The following DHX35 variants were observed in gnomAD, a reference collection of about 807,000 sequenced individuals.
The protein encoded by DHX35 is DEAH-box helicase 35.
DHX35 carries 84 observed loss-of-function variants against 99.6 expected under a neutral mutation model. The observed-to-expected ratio is 0.84, with a 90% CI of 0.71 to 1.01. The LOEUF (loss-of-function observed/expected upper bound fraction) is 1.01. Among genes scored for constraint, DHX35 ranks in the 50% least tolerant of loss-of-function variants. The pLI, the probability that DHX35 is intolerant of heterozygous loss-of-function variation, is 0.00. For synonymous variants in DHX35, 331 were observed against 316.2 expected (o/e 1.05, Z -0.50); for missense variants, 852 against 888.5 (o/e 0.96, Z 0.52).
chr20:38,966,057 G>C (rs763299657), intron 1 of DHX35, among the ~76,000 whole-genome samples: 19 of 152,144 alleles, frequency 1.2e-4, no homozygotes, highest in Admixed American at 6.5e-4. Flanking sequence ...TATTTAAAAA[G>C]TGCTGGTATG....
chr20:38,982,689 A>G (rs1419882013), intron 3 of DHX35, among the ~76,000 whole-genome samples: 2 of 151,996 alleles, frequency 1.3e-5, no homozygotes, highest in Admixed American at 1.3e-4. Context: ...ACCATTTCTT[A>G]GTATCTATAT....
At chr20:38,975,901 G>T (rs1174894004) in intron 3 of DHX35, among the ~76,000 whole-genome samples, 1 of 152,186 alleles carries the variant, frequency 6.6e-6, no homozygotes, top group Non-Finnish European at 1.5e-5. Context: ...GGCCAGGCCT[G>T]ATAGCAACGG....
intron 13 of DHX35, among the ~76,000 whole-genome samples, chr20:39,013,326 T>G (rs1296453648): frequency 6.6e-6 from 1 of 152,220 alleles, no homozygotes; most frequent in Admixed American, 6.5e-5. Flanking sequence ...ATGATTGTCA[T>G]AGAGTATTAT....
intron 13 of DHX35, among the ~76,000 whole-genome samples, chr20:39,011,529 G>GT (rs2086703147): frequency 6.6e-6 from 1 of 152,070 alleles, no homozygotes; most frequent in Non-Finnish European, 1.5e-5. Context: ...TAGAGACAAG[G>GT]TTTTGCCTTG....
intron 13 of DHX35, 34 bp downstream of exon 13, chr20:39,010,438 G>A: frequency 6.2e-7 from 1 of 1,610,264 alleles, no homozygotes. Flanking sequence ...GCCATAGGGA[G>A]GCTAGGGAGC....
At chr20:38,988,251 G>A (rs1046512519) in intron 4 of DHX35, among the ~76,000 whole-genome samples, 1 of 152,122 alleles carries the variant, frequency 6.6e-6, no homozygotes, top group African/African-American at 2.4e-5. Flanking sequence ...ATCTTGATCC[G>A]TAACATTTTT....
At chr20:39,018,476 T>C (rs193112567) in intron 14 of DHX35, among the ~76,000 whole-genome samples, 1 of 151,932 alleles carries the variant, frequency 6.6e-6, no homozygotes, top group East Asian at 2.0e-4. Flanking sequence ...TTCGGAGTAG[T>C]GGGAACAGGT....
intron 8 of DHX35, among the ~76,000 whole-genome samples, chr20:38,996,202 A>AT (rs1217142782): frequency 7.2e-5 from 11 of 151,810 alleles, no homozygotes; most frequent in Admixed American, 2.0e-4. Context: ...CCTTATTCTG[A>AT]TTTTTTTTAT....
chr20:39,016,659 G>GT (rs1252824453), intron 14 of DHX35, among the ~76,000 whole-genome samples: 1 of 152,130 alleles, frequency 6.6e-6, no homozygotes, highest in East Asian at 1.9e-4. Flanking sequence ...GAGAGTTCCA[G>GT]TTTTTCCACA....
Position 38,969,027 on chromosome 20 carries a change from C to G in DHX35, c.41-54C>G, listed in dbSNP as rs1478395726. On this transcript the variant is annotated intron_variant, in intron 1 of 21. Transcript: ENST00000252011. ...TCTTTGAAAGTTTATAAACTTAACACCTTTTTCTGTTCATTGTATCAGAGA... is the reference window on the plus strand; with the variant it reads ...TCTTTGAAAGTTTATAAACTTAACAGCTTTTTCTGTTCATTGTATCAGAGA... 9 of 1,528,470 alleles carry G rather than the reference C, an allele frequency of 5.9e-6. No homozygotes were observed. In the East Asian group the frequency reaches 2.0e-4, roughly 35 times the overall value. 94.7% of individuals were successfully genotyped at this position (1,528,470 alleles called of 1,614,324 possible).
intron 19 of DHX35, 47 bp from the exon 20 acceptor site, chr20:39,030,657 A>C: frequency 6.5e-7 from 1 of 1,547,792 alleles, no homozygotes; most frequent in Non-Finnish European, 8.9e-7. Context: ...AAGTCTTGCT[A>C]TAAGTATTTA....
chr20:39,014,866 T>A lies in DHX35; in HGVS notation c.1348-14T>A, dbSNP rs150199159. The A allele has an allele frequency of 6.2e-7, 1 of 1,614,100 alleles. No individual in the cohort carries two copies. The highest frequency in any genetic ancestry group is 1.3e-5 in the African/African-American group (1 of 74,938). The stretch of plus-strand genomic sequence containing the variant: ...AAATAAATTGATTCAGGAAGATTTT[T>A]ATGTTTTTTCCAGCCCCCTCCAGCA... On this transcript the variant is annotated splice_polypyrimidine_tract_variant and intron_variant, in intron 13 of 21. Transcript: ENST00000252011.
At position 38,988,910 on chromosome 20, in the gene DHX35, G is replaced by A; in HGVS notation, c.443G>A (p.Arg148Lys). The A allele has an allele frequency of 1.2e-6, 2 of 1,612,672 alleles. No homozygotes were observed. The highest frequency in any genetic ancestry group is 1.7e-6 in the Non-Finnish European group (2 of 1,178,996). ...GACTGCACCGACCAGCTGGCCACGA[G>A]AATTAAGGTAAAGTGCTCAAGCTGC... ...FDDCTDQLAT[R>K]IKFLTDGMLV... is the part of the protein sequence containing the mutation. Residue 148 changes from arginine (R) to lysine (K), a missense_variant, in exon 5 of 22, where the codon AGA (arginine) becomes AAA (lysine). By Grantham distance (26) the Arg-to-Lys change is conservative. Transcript: ENST00000252011.
At position 39,021,915 on chromosome 20, in the gene DHX35, C is replaced by A. The variant is rs577076400; in HGVS notation, c.1573C>A (p.Pro525Thr). 13 of 1,614,118 alleles carry A rather than the reference C, an allele frequency of 8.1e-6. No individual in the cohort carries two copies. In the South Asian group the frequency reaches 1.3e-4, roughly 16 times the overall value. ...GATCCAGAATATCTTTGTGGTCCCC[C>A]CAAACCAGAAGTCTCACGCAGTAAG... The part of the protein sequence containing the change: ...MQIQNIFVVP[P>T]NQKSHAIRVH... Residue 525 changes from proline to threonine, a missense_variant, in exon 16 of 22, where the codon CCA (proline) becomes ACA (threonine). Transcript: ENST00000252011.
At position 39,003,838 on chromosome 20, in the gene DHX35, C is replaced by T; in HGVS notation, c.942C>T (p.Pro314=). ...TGMKRHLRVL[P]MYAGLPSFEQ... ...TGAAGAGACACCTCCGAGTTCTCCC[C>T]ATGTATGCAGGACTGCCTTCCTTTG... is the stretch of plus-strand genomic sequence containing the variant. The change falls in exon 11 of 22, where the codon CCC becomes CCT. Residue 314 remains proline, a synonymous_variant. Transcript: ENST00000252011. The T allele has an allele frequency of 1.2e-6, 2 of 1,614,182 alleles. No homozygotes were observed. The highest frequency in any genetic ancestry group is 1.1e-5 in the South Asian group (1 of 91,086).
intron 20 of DHX35, among the ~76,000 whole-genome samples, chr20:39,031,069 G>A (rs1170365303): frequency 6.6e-6 from 1 of 152,082 alleles, no homozygotes; most frequent in East Asian, 1.9e-4. Context: ...GGCTGAGGCA[G>A]GAGAATTGCT....
At chr20:39,034,479 C>A (rs146723047) in intron 21 of DHX35, among the ~76,000 whole-genome samples, 162 bp downstream of exon 21, 1 of 152,202 alleles carries the variant, frequency 6.6e-6, no homozygotes, top group African/African-American at 2.4e-5. Context: ...TGGGAAAGCA[C>A]TCTAGCGTTT....
At chr20:38,994,631 A>AACCC (rs1568731897) in intron 7 of DHX35, among the ~76,000 whole-genome samples, 190 bp from the exon 8 acceptor site, 10 of 74,394 alleles carry the variant, frequency 1.3e-4, no homozygotes, top group East Asian at 4.3e-4. Flanking sequence ...TAGTGTAATG[A>AACCC]CCCCCCCCCC....
chr20:38,997,312 C>T lies in DHX35; in HGVS notation c.642+2432C>T, dbSNP rs1426555606. On this transcript the variant is annotated intron_variant, in intron 8 of 21. Coordinates refer to ENST00000252011, the MANE Select transcript of DHX35 (RefSeq NM_021931.4). ...TCTCAAACTCCGGACCTCAGGTGAT[C>T]CTCCCGCCTTGGACTCCCAAAGTGC... Among the ~76,000 whole-genome samples the T allele has an allele frequency of 2.6e-5, 4 of 152,112 alleles. No homozygotes were observed. The South Asian group carries it at 8.3e-4, about 32-fold the overall frequency.
Sources: allele counts gnomAD v4.1 joint callset (sites outside exome capture counted in the v4.1 genomes callset), GRCh38; gene constraint gnomAD v4.1.1; transcripts MANE v1.5; gene names NCBI Gene and HGNC (gene_info 2026-07-23, HGNC 2026-07-21).